Variants in RIMS3 observed in about 807,000 individuals in gnomAD.
RIMS3 encodes regulating synaptic membrane exocytosis 3.
A neutral mutation model predicts 29.2 loss-of-function variants in RIMS3; 15 were observed. That is an observed-to-expected ratio of 0.51 (90% CI 0.34 to 0.79). The LOEUF is 0.79. Ranked by LOEUF, RIMS3 falls within the 30% of genes least tolerant of loss-of-function variation. The pLI, the probability that RIMS3 is intolerant of heterozygous loss-of-function variation, is 0.01. For synonymous variants in RIMS3, 161 were observed against 170.1 expected (o/e 0.95, Z 0.41); for missense variants, 342 against 421.4 (o/e 0.81, Z 1.65).
intron 1 of RIMS3, among the ~76,000 whole-genome samples, chr1:40,658,034 T>TA (rs34476811): frequency 3.9e-5 from 6 of 152,034 alleles, no homozygotes; most frequent in African/African-American, 4.8e-5. Context: ...AGTAAGTGCT[T>TA]AAAAAAAATG....
chr1:40,664,223 C>T (rs1160965432), intron 1 of RIMS3, among the ~76,000 whole-genome samples: 1 of 152,118 alleles, frequency 6.6e-6, no homozygotes, highest in Admixed American at 6.5e-5. Context: ...GGGTCACCTC[C>T]CCAGCACATC....
chr1:40,644,761 C>T (rs1408165811), intron 2 of RIMS3, among the ~76,000 whole-genome samples: 4 of 152,334 alleles, frequency 2.6e-5, no homozygotes, highest in East Asian at 3.9e-4. Flanking sequence ...GCACCCAGCA[C>T]CCTACTGGCT....
the RIMS3 span, among the ~76,000 whole-genome samples, chr1:40,675,528 C>T: frequency 2.0e-5 from 3 of 151,974 alleles, no homozygotes; most frequent in African/African-American, 7.3e-5. Context: ...GAGGTTGAGA[C>T]AGGAGGATCA....
the RIMS3 span, among the ~76,000 whole-genome samples, chr1:40,673,620 C>T: frequency 6.6e-6 from 1 of 152,344 alleles, no homozygotes; most frequent in African/African-American, 2.4e-5. Flanking sequence ...GTGGCTTCCT[C>T]TGTTTACAGT....
chr1:40,630,047 G>A (rs1646479271), intron 5 of RIMS3, among the ~76,000 whole-genome samples: 1 of 146,832 alleles, frequency 6.8e-6, no homozygotes, highest in African/African-American at 2.5e-5. Flanking sequence ...ACTCCGGCCT[G>A]GGTGACGAGG....
chr1:40,690,857 C>T, the RIMS3 span: 1 of 152,232 alleles, frequency 6.6e-6, no homozygotes, highest in African/African-American at 2.4e-5. Context: ...GCGCTTGTTA[C>T]CTAATGCACT....
intron 1 of RIMS3, among the ~76,000 whole-genome samples, chr1:40,662,388 G>T (rs975311490): frequency 4.8e-5 from 7 of 145,234 alleles, no homozygotes; most frequent in Non-Finnish European, 9.0e-5. Context: ...CAGACTGCAG[G>T]AGAGCAACTT....
upstream of RIMS3, among the ~76,000 whole-genome samples, chr1:40,665,821 G>GTGGT (rs1291082364): frequency 9.2e-5 from 14 of 152,346 alleles, no homozygotes; most frequent in African/African-American, 3.1e-4. Flanking sequence ...TTGCCGGGTT[G>GTGGT]TGGTTGGGGG....
chr1:40,677,727 TA>T, the RIMS3 span, among the ~76,000 whole-genome samples: 18 of 150,406 alleles, frequency 1.2e-4, no homozygotes, highest in African/African-American at 2.9e-4. Context: ...AATAATTAAT[TA>T]AAAAAAAAGG....
At chr1:40,632,983 T>C in intron 5 of RIMS3, 86 bp downstream of exon 5, 1 of 982,896 alleles carries the variant, frequency 1.0e-6, no homozygotes, top group East Asian at 2.4e-5. Flanking sequence ...AACTCTACGA[T>C]GGCCAATGCA....
chr1:40,646,966 C>T (rs987883129), intron 2 of RIMS3, among the ~76,000 whole-genome samples: 12 of 151,860 alleles, frequency 7.9e-5, no homozygotes, highest in East Asian at 1.9e-4. Context: ...CTGCAACCTC[C>T]GCCTCCTGGG....
the RIMS3 span, among the ~76,000 whole-genome samples, chr1:40,682,601 A>G: frequency 6.6e-6 from 1 of 152,128 alleles, no homozygotes; most frequent in African/African-American, 2.4e-5. Flanking sequence ...TCCAGAGGAA[A>G]GGAATTTAGC....
rs1252921843 is a variant in RIMS3, at chr1:40,654,223, G to A, written c.-206-6381C>T. ...CGGATCAATATTTCATGGGGGGAAG[G>A]GGCTCCAGTTACCAGCCCCGCACCA... On this transcript the variant is annotated intron_variant, in intron 1 of 7. Coordinates refer to ENST00000372684, the MANE Select transcript of RIMS3 (RefSeq NM_014747.3). The surrounding 1 kb of genome is among the most constrained non-coding windows in gnomAD (Gnocchi z 5.3). Among the ~76,000 whole-genome samples, 1 of 151,838 alleles carries A rather than the reference G, an allele frequency of 6.6e-6. No individual in the cohort carries two copies. Among genetic ancestry groups the A allele is most frequent in the Non-Finnish European group, 1.5e-5 (1 of 67,940 alleles).
intron 1 of RIMS3, among the ~76,000 whole-genome samples, chr1:40,656,415 C>T (rs566304417): frequency 6.6e-6 from 1 of 152,214 alleles, no homozygotes; most frequent in East Asian, 1.9e-4. Flanking sequence ...TATGGAGTTG[C>T]CAGGCAATGT....
At chr1:40,640,441 A>C (rs1646548677) in intron 3 of RIMS3, among the ~76,000 whole-genome samples, 1 of 152,020 alleles carries the variant, frequency 6.6e-6, no homozygotes, top group Non-Finnish European at 1.5e-5. Flanking sequence ...GCTTTGTATA[A>C]ATCTATTTTA....
At position 40,640,735 on chromosome 1, in the gene RIMS3, A is replaced by C. The variant is rs190426059; in HGVS notation, c.217+974T>G. Among the ~76,000 whole-genome samples, 309 of 152,344 alleles carry C rather than the reference A, an allele frequency of 2.0e-3. 4 individuals are homozygous for C. The highest frequency in any genetic ancestry group is 7.1e-3 in the African/African-American group (295 of 41,576). On this transcript the variant is annotated intron_variant, in intron 3 of 7. Coordinates refer to ENST00000372684, the MANE Select transcript of RIMS3 (RefSeq NM_014747.3). ...CACAAGGTGGTCACCCACCAGGCTG[A>C]ACATAACTGAGATTCTGCAGCTAGG...
chr1:40,670,364 A>G (rs1642476539), upstream of RIMS3, among the ~76,000 whole-genome samples: 1 of 151,668 alleles, frequency 6.6e-6, no homozygotes, highest in African/African-American at 2.4e-5. Context: ...AAGGCATCCC[A>G]TCTGAAGCTT....
rs1044342869 is a variant in RIMS3 at position 40,623,366 on chromosome 1, G to A, written c.*3151C>T. ...CAAAAACCCATTGCAGGGAAAAGGAGTCTATGAAGAAAGTGGGACAGAATG... is the reference window on the plus strand; with the variant it reads ...CAAAAACCCATTGCAGGGAAAAGGAATCTATGAAGAAAGTGGGACAGAATG... On this transcript the variant is annotated 3_prime_UTR_variant, in exon 8 of 8. Transcript: ENST00000372684. The A allele has an allele frequency of 2.5e-6, 1 of 398,506 alleles. No homozygotes were observed. The highest frequency in any genetic ancestry group is 2.1e-5 in the African/African-American group (1 of 48,628). 24.7% of individuals were successfully genotyped at this position (398,506 alleles called of 1,614,324 possible).
intron 2 of RIMS3, among the ~76,000 whole-genome samples, chr1:40,646,437 T>C (rs1002496898): frequency 5.3e-5 from 8 of 152,106 alleles, no homozygotes; most frequent in Admixed American, 4.6e-4. Flanking sequence ...GATTGCTAAA[T>C]AAACTATACC....
Sources: gnomAD v4.1 joint callset for allele counts (sites outside exome capture counted in the v4.1 genomes callset) on GRCh38, gnomAD v4.1.1 for gene constraint, Gnocchi (gnomAD v3.1) non-coding constraint, MANE v1.5 for transcripts, NCBI Gene and HGNC (gene_info 2026-07-23, HGNC 2026-07-21) for gene names.